The following KCNMB2 variants were observed in gnomAD, a reference collection of about 807,000 sequenced individuals.
KCNMB2 encodes calcium-activated potassium channel subunit beta-2.
KCNMB2 carries 9 observed loss-of-function variants against 24.5 expected under a neutral mutation model. That is an observed-to-expected ratio of 0.37 (90% CI 0.22 to 0.64). KCNMB2 has a LOEUF of 0.64. KCNMB2 is among the 30% of genes least tolerant of loss of function. The pLI, the probability that KCNMB2 is intolerant of heterozygous loss-of-function variation, is 0.63. For missense variants in KCNMB2, 226 were observed against 284.3 expected (o/e 0.79, Z 1.47); for synonymous variants, 109 against 104.4 (o/e 1.04, Z -0.27).
At chr3:178,782,552 C>T (rs1445248858) in intron 1 of KCNMB2, among the ~76,000 whole-genome samples, 3 of 147,482 alleles carry the variant, frequency 2.0e-5, no homozygotes, top group Non-Finnish European at 4.6e-5. Flanking sequence ...TGATGATGAG[C>T]ATTTTTTCAT....
intron 2 of KCNMB2, among the ~76,000 whole-genome samples, chr3:178,815,780 C>T (rs1714382865): frequency 6.6e-6 from 1 of 151,882 alleles, no homozygotes. Context: ...ACATTTATTA[C>T]ATTATTATAT....
At chr3:178,801,557 C>A (rs557187624) in intron 1 of KCNMB2, among the ~76,000 whole-genome samples, 16 of 152,176 alleles carry the variant, frequency 1.1e-4, no homozygotes, top group African/African-American at 3.9e-4. Flanking sequence ...GTAGTACTTG[C>A]CAGTTCCCAA....
At chr3:178,726,753 A>G (rs1283553376) in intron 1 of KCNMB2, among the ~76,000 whole-genome samples, 1 of 152,114 alleles carries the variant, frequency 6.6e-6, no homozygotes, top group Non-Finnish European at 1.5e-5. Flanking sequence ...TGAAGATTTC[A>G]AAGTAGAAAA....
chr3:178,775,724 G>A (rs188939545), intron 1 of KCNMB2, among the ~76,000 whole-genome samples: 179 of 152,180 alleles, frequency 1.2e-3, no homozygotes, highest in Middle Eastern at 6.8e-3. Context: ...ATTTACAAAT[G>A]ACAAGCAATA....
chr3:178,784,274 T>C (rs1396725674), intron 1 of KCNMB2, among the ~76,000 whole-genome samples: 1 of 152,202 alleles, frequency 6.6e-6, no homozygotes, highest in Non-Finnish European at 1.5e-5. Context: ...ATTACAACCT[T>C]CATTTTTACA....
intron 1 of KCNMB2, among the ~76,000 whole-genome samples, chr3:178,584,945 T>C (rs1717371575): frequency 6.6e-6 from 1 of 152,230 alleles, no homozygotes. Context: ...AGCCATTGTT[T>C]ACATATTGTG....
Position 178,633,717 on chromosome 3 carries a change from C to T in KCNMB2, c.-68+97006C>T, listed in dbSNP as rs1719412560. ...GGAGACATTTTCCCCATTGCCTTGG[C>T]AATTAGCATTTGGCTCCTTGTTACT... On this transcript the variant is annotated intron_variant, in intron 1 of 4. Transcript: ENST00000452583. Among the ~76,000 whole-genome samples the T allele has an allele frequency of 2.0e-5, 3 of 152,242 alleles. No homozygotes were observed. In the South Asian group the frequency reaches 6.2e-4, roughly 31 times the overall value.
intron 1 of KCNMB2, among the ~76,000 whole-genome samples, chr3:178,772,914 T>A (rs1712432311): frequency 6.6e-6 from 1 of 152,194 alleles, no homozygotes; most frequent in Admixed American, 6.5e-5. Context: ...ACCACCCTTG[T>A]GGTTTCTTTG....
intron 1 of KCNMB2, among the ~76,000 whole-genome samples, chr3:178,629,095 T>C (rs1203223082): frequency 6.6e-6 from 1 of 152,188 alleles, no homozygotes; most frequent in African/African-American, 2.4e-5. Flanking sequence ...CCTAATTATC[T>C]ACATTATAAC....
intron 1 of KCNMB2, among the ~76,000 whole-genome samples, chr3:178,622,013 G>C (rs987758848): frequency 6.6e-6 from 1 of 152,116 alleles, no homozygotes; most frequent in Non-Finnish European, 1.5e-5. Context: ...AAGCTCTCTG[G>C]GGCTAAATTT....
At chr3:178,686,307 C>A (rs574531194) in intron 1 of KCNMB2, among the ~76,000 whole-genome samples, 1 of 152,238 alleles carries the variant, frequency 6.6e-6, no homozygotes, top group East Asian at 1.9e-4. Context: ...TAAACCTGTG[C>A]ATTTTCCATA....
At chr3:178,804,429 G>A (rs2108449792) in intron 1 of KCNMB2, among the ~76,000 whole-genome samples, 2 of 152,178 alleles carry the variant, frequency 1.3e-5, no homozygotes, top group South Asian at 4.1e-4. Context: ...GACTTCAGCA[G>A]GTTTTAAATA....
intron 1 of KCNMB2, among the ~76,000 whole-genome samples, chr3:178,594,158 CAGAA>C (rs1156751254): frequency 9.9e-5 from 15 of 151,740 alleles, no homozygotes. Flanking sequence ...AGGTGGTAGA[CAGAA>C]AATGAGGCAG....
At chr3:178,618,556 A>T (rs1178119278) in intron 1 of KCNMB2, among the ~76,000 whole-genome samples, 2 of 152,148 alleles carry the variant, frequency 1.3e-5, no homozygotes, top group East Asian at 3.9e-4. Context: ...CCTCCTTTTC[A>T]CTTACAACTC....
At chr3:178,692,904 T>G (rs1356517577) in intron 1 of KCNMB2, among the ~76,000 whole-genome samples, 1 of 152,218 alleles carries the variant, frequency 6.6e-6, no homozygotes, top group African/African-American at 2.4e-5. Context: ...TCCCATTTGT[T>G]TGTGTCATCT....
At chr3:178,593,725 G>T (rs1717764218) in intron 1 of KCNMB2, among the ~76,000 whole-genome samples, 1 of 151,326 alleles carries the variant, frequency 6.6e-6, no homozygotes, top group Non-Finnish European at 1.5e-5. Context: ...TTGGGCTTTT[G>T]TGTCTCTTTC....
At chr3:178,641,062 A>T (rs767327598) in intron 1 of KCNMB2, among the ~76,000 whole-genome samples, 82 of 152,180 alleles carry the variant, frequency 5.4e-4, no homozygotes, top group Non-Finnish European at 1.0e-3. Context: ...TTATGTGTCT[A>T]TTAATTTACC....
intron 1 of KCNMB2, among the ~76,000 whole-genome samples, chr3:178,643,351 T>C (rs1250351225): frequency 6.6e-6 from 1 of 152,132 alleles, no homozygotes; most frequent in Non-Finnish European, 1.5e-5. Context: ...TGTAGTAGTG[T>C]TTACATGAGG....
At chr3:178,739,346 A>G (rs1418658164) in intron 1 of KCNMB2, among the ~76,000 whole-genome samples, 1 of 152,230 alleles carries the variant, frequency 6.6e-6, no homozygotes, top group Non-Finnish European at 1.5e-5. Flanking sequence ...GTAACAGGCC[A>G]TTATCATATA....
Sources: allele counts gnomAD v4.1 joint callset (sites outside exome capture counted in the v4.1 genomes callset), GRCh38; gene constraint gnomAD v4.1.1; transcripts MANE v1.5; gene names NCBI Gene and HGNC (gene_info 2026-07-23, HGNC 2026-07-21).